Variants in MYT1L observed in about 807,000 individuals in gnomAD.
MYT1L encodes myelin transcription factor 1-like protein.
MYT1L carries 12 observed loss-of-function variants against 126.7 expected under a neutral mutation model. The observed-to-expected ratio is 0.09, with a 90% confidence interval of 0.06 to 0.15. The LOEUF (loss-of-function observed/expected upper bound fraction) is 0.15. Among genes scored for constraint, MYT1L ranks in the 10% least tolerant of loss-of-function variants. MYT1L has a pLI of 1.00. For synonymous variants in MYT1L, 541 were observed against 604.2 expected, an observed-to-expected ratio of 0.90 and a Z score of 1.53; for missense variants, 979 against 1,585.2, an observed-to-expected ratio of 0.62 and a Z score of 6.49.
chr2:2,131,578 G>A (rs542233157), intron 3 of MYT1L, among the ~76,000 whole-genome samples: 99 of 152,308 alleles, frequency 6.5e-4, no homozygotes, highest in African/African-American at 2.3e-3. Context: ...GTAACTAAAT[G>A]AGAGGTTAGT....
At chr2:2,147,285 C>T (rs890769434) in intron 3 of MYT1L, among the ~76,000 whole-genome samples, 1 of 152,216 alleles carries the variant, frequency 6.6e-6, no homozygotes, top group African/African-American at 2.4e-5. Context: ...TGGTGTCAAA[C>T]AAAACCTGGA....
At position 1,912,258 on chromosome 2, in the gene MYT1L, C is replaced by G. The variant is rs1048705221; in HGVS notation, c.1619-148G>C. ...TGATGGGCATGGCCAGGAAAACACA[C>G]ATGGGAGGAGAAAGAAGGTTGACTG... On this transcript the variant is annotated intron_variant, in intron 11 of 24. Transcript: ENST00000647738. The surrounding 1 kb of genome is among the most constrained non-coding windows in gnomAD (Gnocchi z 4.3). The G allele has an allele frequency of 1.1e-4, 55 of 518,804 alleles. No homozygotes were observed. The highest frequency in any genetic ancestry group is 6.6e-4 in the African/African-American group (34 of 51,734). The allele number at this position is 518,804 out of a possible 1,614,324, so 32.1% of individuals were successfully genotyped here. A position where few individuals can be genotyped will look rare whatever the true frequency, so the allele number is the denominator to read the frequency against.
intron 1 of MYT1L, among the ~76,000 whole-genome samples, chr2:2,295,589 CAGACAGAGAGAGAGACAGACAG>C (rs2095664487): frequency 2.5e-5 from 1 of 40,300 alleles, no homozygotes; most frequent in Non-Finnish European, 5.4e-5. Flanking sequence ...GAGAGACAGA[CAGACAGAGAGAGAGACAGACAG>C]AGAGAGAGAG....
chr2:1,865,537 G>A (rs1469934336), intron 18 of MYT1L, among the ~76,000 whole-genome samples: 1 of 152,096 alleles, frequency 6.6e-6, no homozygotes, highest in East Asian at 1.9e-4. Flanking sequence ...TCCTTGTGAG[G>A]ACTAAAGAAC....
At chr2:1,874,530 G>A (rs752169864) in intron 18 of MYT1L, among the ~76,000 whole-genome samples, 1 of 152,216 alleles carries the variant, frequency 6.6e-6, no homozygotes, top group Non-Finnish European at 1.5e-5. Context: ...ATGATGGGGG[G>A]CAGCCAGGCG....
At chr2:2,245,763 G>A (rs553138716) in intron 2 of MYT1L, among the ~76,000 whole-genome samples, 32 of 152,218 alleles carry the variant, frequency 2.1e-4, no homozygotes, top group African/African-American at 6.7e-4. Flanking sequence ...GGAGCCTGCT[G>A]AAGGCTGTTA....
intron 8 of MYT1L, among the ~76,000 whole-genome samples, chr2:1,950,346 A>ATGTGC (rs1311661709): frequency 6.6e-6 from 1 of 152,196 alleles, no homozygotes; most frequent in Non-Finnish European, 1.5e-5. Context: ...CCACATAAAT[A>ATGTGC]TGTGCTGAGT....
chr2:1,956,295 C>A lies in MYT1L; in HGVS notation c.153-12961G>T, dbSNP rs6716553. On this transcript the variant is annotated intron_variant, in intron 8 of 24. Coordinates refer to ENST00000647738, the MANE Select transcript of MYT1L (RefSeq NM_001303052.2). Reference sequence around the variant, plus strand: ...GTCTATCTACCTATCTATCATCTATCTATCCTATTCTATATTTCCTATTCT... The same window carrying A: ...GTCTATCTACCTATCTATCATCTATATATCCTATTCTATATTTCCTATTCT... Among the ~76,000 whole-genome samples, 13 of 143,276 alleles carry A rather than the reference C, an allele frequency of 9.1e-5. 1 individual carries two copies. In the East Asian group the frequency reaches 2.7e-3, roughly 30 times the overall value. 94.0% of individuals were successfully genotyped at this position (143,276 alleles called of 152,430 possible).
rs889343998 is a variant in MYT1L, at chr2:1,793,091, C to T, written c.3277-627G>A. Among the ~76,000 whole-genome samples the T allele has an allele frequency of 5.3e-5, 8 of 152,268 alleles. No individual in the cohort carries two copies. Among genetic ancestry groups the T allele is most frequent in the Non-Finnish European group, 1.2e-4 (8 of 68,024 alleles). On this transcript the variant is annotated intron_variant, in intron 23 of 24. Coordinates refer to ENST00000647738, the MANE Select transcript of MYT1L (RefSeq NM_001303052.2). This position sits in a 1 kb window ranked among gnomAD's most constrained non-coding sequence, Gnocchi z 4.6. Reference sequence around the variant, plus strand: ...TTCTAGCCTGAATAAAATTCTGCCACAGCTAAGTCCTCCAATGCTCATTTC... The same window carrying T: ...TTCTAGCCTGAATAAAATTCTGCCATAGCTAAGTCCTCCAATGCTCATTTC...
At chr2:1,995,459 A>G (rs533477888) in intron 5 of MYT1L, among the ~76,000 whole-genome samples, 14 of 152,358 alleles carry the variant, frequency 9.2e-5, no homozygotes, top group Admixed American at 8.5e-4. Context: ...CAACAAGAGC[A>G]TTCTAAATAA....
chr2:1,945,040 G>GA (rs755915568), intron 8 of MYT1L, among the ~76,000 whole-genome samples: 16 of 152,108 alleles, frequency 1.1e-4, no homozygotes, highest in Admixed American at 2.6e-4. Context: ...AACAATCTGC[G>GA]AAAGACATGA....
intron 13 of MYT1L, among the ~76,000 whole-genome samples, chr2:1,903,932 T>G (rs1356436170): frequency 6.6e-6 from 1 of 152,154 alleles, no homozygotes; most frequent in Non-Finnish European, 1.5e-5. Flanking sequence ...ATGTCGTGTG[T>G]GTGTGTGTGT....
intron 11 of MYT1L, among the ~76,000 whole-genome samples, chr2:1,914,985 G>A (rs911903240): frequency 3.3e-5 from 5 of 151,940 alleles, no homozygotes; most frequent in South Asian, 2.1e-4. Flanking sequence ...TCTCCATCCC[G>A]CCTAGACCAT....
chr2:1,918,594 C>A (rs895452437), intron 10 of MYT1L, among the ~76,000 whole-genome samples: 27 of 152,104 alleles, frequency 1.8e-4, no homozygotes, highest in Non-Finnish European at 3.4e-4. Context: ...TTCAAATAGA[C>A]AAAGGACTAG....
At chr2:2,190,635 C>A (rs1458279442) in intron 2 of MYT1L, among the ~76,000 whole-genome samples, 2 of 151,414 alleles carry the variant, frequency 1.3e-5, no homozygotes, top group Non-Finnish European at 2.9e-5. Context: ...AGTATCACCA[C>A]AGTGTCTACT....
At chr2:1,908,951 T>C (rs188334841) in intron 13 of MYT1L, among the ~76,000 whole-genome samples, 10 of 152,294 alleles carry the variant, frequency 6.6e-5, no homozygotes, top group Middle Eastern at 3.4e-3. Context: ...TAAATAAATA[T>C]TTATAATTTT....
rs140896892 is a variant in MYT1L, at chr2:2,316,477, A to G, written c.-521+14490T>C. On this transcript the variant is annotated intron_variant, in intron 1 of 24. Coordinates refer to ENST00000647738, the MANE Select transcript of MYT1L (RefSeq NM_001303052.2). ...AAAAAGAAAGGTAAGACATAAAGCC[A>G]ATGGGGCTATTTCCTTAAGGATCAT... is the stretch of plus-strand genomic sequence containing the variant. Among the ~76,000 whole-genome samples the G allele has an allele frequency of 3.3e-4, 51 of 152,368 alleles. No individual in the cohort carries two copies. The East Asian group carries it at 9.1e-3, about 27-fold the overall frequency.
Position 1,912,009 on chromosome 2 carries a change from G to C in MYT1L, c.1709+11C>G. 6.3e-7 allele frequency: 1 copy of C among 1,586,828 alleles called. No individual in the cohort carries two copies. Among genetic ancestry groups the C allele is most frequent in the Non-Finnish European group, 8.6e-7 (1 of 1,162,194 alleles). On this transcript the variant is annotated intron_variant, in intron 12 of 24. Transcript: ENST00000647738. This position sits in a 1 kb window ranked among gnomAD's most constrained non-coding sequence, Gnocchi z 4.3. ...GCTCCCTCCCACACCAGTGACCCAC[G>C]CGTGGCTTACCTTCGGTGGGAGTTC... is the stretch of plus-strand genomic sequence containing the variant.
chr2:2,057,229 T>C (rs1051075632), intron 3 of MYT1L, among the ~76,000 whole-genome samples: 1 of 152,216 alleles, frequency 6.6e-6, no homozygotes, highest in Non-Finnish European at 1.5e-5. Context: ...TGTCCTTTTA[T>C]AGCCCCGCCC....
Sources: allele counts gnomAD v4.1 joint callset (sites outside exome capture counted in the v4.1 genomes callset), GRCh38; gene constraint gnomAD v4.1.1; non-coding constraint Gnocchi (gnomAD v3.1); transcripts MANE v1.5; gene names NCBI Gene and HGNC (gene_info 2026-07-23, HGNC 2026-07-21).